Variants in SH3RF3 observed in about 807,000 individuals in gnomAD.
SH3RF3 encodes the protein SH3 domain containing ring finger 3.
A neutral mutation model predicts 66.3 loss-of-function variants in SH3RF3; 29 were observed. The ratio of observed to expected loss-of-function variants is 0.44; its 90% CI spans 0.33 to 0.60. The LOEUF (loss-of-function observed/expected upper bound fraction) is 0.60. Ranked by LOEUF, SH3RF3 falls within the 20% of genes least tolerant of loss-of-function variation. The pLI, the probability that SH3RF3 is intolerant of heterozygous loss-of-function variation, is 0.04. For synonymous variants in SH3RF3, 583 were observed against 532.0 expected, an observed-to-expected ratio of 1.10 and a Z score of -1.32; for missense variants, 1,194 against 1,190.9, an observed-to-expected ratio of 1.00 and a Z score of -0.04.
intron 3 of SH3RF3, among the ~76,000 whole-genome samples, chr2:109,375,561 T>C (rs1181131719): frequency 2.0e-5 from 3 of 152,240 alleles, no homozygotes; most frequent in African/African-American, 7.2e-5. Context: ...TTGAGGTTTT[T>C]CAGAATTTCA....
intron 1 of SH3RF3, among the ~76,000 whole-genome samples, chr2:109,245,663 A>G (rs1053424674): frequency 6.6e-6 from 1 of 152,198 alleles, no homozygotes; most frequent in African/African-American, 2.4e-5. Flanking sequence ...TATCCCTTGA[A>G]CTGAGACCAT....
At chr2:109,296,452 A>G (rs113489262) in intron 1 of SH3RF3, among the ~76,000 whole-genome samples, 5,616 of 151,840 alleles carry the variant, frequency 0.037, 265 homozygotes, top group African/African-American at 0.1. Flanking sequence ...ATGTTGTTCA[A>G]GCTGGTCTCA....
chr2:109,488,640 C>T (rs1679044791), intron 8 of SH3RF3, among the ~76,000 whole-genome samples: 1 of 152,220 alleles, frequency 6.6e-6, no homozygotes, highest in South Asian at 2.1e-4. Context: ...CCAAGCAGTT[C>T]CCGATGTGTG....
chr2:109,485,883 C>T (rs9646952), intron 8 of SH3RF3, among the ~76,000 whole-genome samples: 35,985 of 152,256 alleles, frequency 0.24, 4,466 homozygotes, highest in Admixed American at 0.32. Flanking sequence ...AGCCTCCAGT[C>T]CCTGGCCCTC....
intron 5 of SH3RF3, among the ~76,000 whole-genome samples, chr2:109,431,732 A>C (rs1224953541): frequency 6.6e-6 from 1 of 152,176 alleles, no homozygotes; most frequent in Non-Finnish European, 1.5e-5. Context: ...CTTAGCCAGC[A>C]TGGCGGTGCA....
At chr2:109,438,865 G>C (rs1444725163) in intron 7 of SH3RF3, among the ~76,000 whole-genome samples, 2 of 152,206 alleles carry the variant, frequency 1.3e-5, no homozygotes, top group East Asian at 3.9e-4. Context: ...GGGAGCAAAA[G>C]TCCCAGGCCA....
intron 1 of SH3RF3, among the ~76,000 whole-genome samples, chr2:109,280,202 T>G (rs1680850085): frequency 6.6e-6 from 1 of 152,198 alleles, no homozygotes; most frequent in African/African-American, 2.4e-5. Flanking sequence ...CACTAGTGAA[T>G]GCCCGTGGCA....
chr2:109,485,319 GTTTAC>G (rs1347221219), intron 8 of SH3RF3, among the ~76,000 whole-genome samples: 4 of 152,208 alleles, frequency 2.6e-5, no homozygotes, highest in African/African-American at 9.7e-5. Context: ...ACATGTACAG[GTTTAC>G]TTCATTTTCA....
chr2:109,489,929 G>T (rs1679086943), intron 8 of SH3RF3, among the ~76,000 whole-genome samples: 1 of 152,122 alleles, frequency 6.6e-6, no homozygotes, highest in Non-Finnish European at 1.5e-5. Flanking sequence ...GTAGAGACAG[G>T]GTTTCACCAT....
At chr2:109,240,878 A>ATC (rs370916478) in intron 1 of SH3RF3, among the ~76,000 whole-genome samples, 12 of 113,662 alleles carry the variant, frequency 1.1e-4, no homozygotes, top group Admixed American at 7.6e-4. Context: ...ACTTGATTCC[A>ATC]TCTCTCTCTC....
chr2:109,168,217 G>A (rs1479662702), intron 1 of SH3RF3, among the ~76,000 whole-genome samples: 1 of 152,210 alleles, frequency 6.6e-6, no homozygotes, highest in Non-Finnish European at 1.5e-5. Flanking sequence ...TACAAATTCA[G>A]AGCTTTTCTG....
At chr2:109,240,596 T>A (rs987653842) in intron 1 of SH3RF3, among the ~76,000 whole-genome samples, 2 of 152,022 alleles carry the variant, frequency 1.3e-5, no homozygotes, top group African/African-American at 4.8e-5. Context: ...ATAAATAGGT[T>A]TTTCATTGCT....
intron 5 of SH3RF3, among the ~76,000 whole-genome samples, chr2:109,420,306 G>A (rs1676837158): frequency 6.6e-6 from 1 of 152,142 alleles, no homozygotes; most frequent in Non-Finnish European, 1.5e-5. Context: ...ACTGTGTTAG[G>A]GTGAAGTCTA....
intron 6 of SH3RF3, among the ~76,000 whole-genome samples, chr2:109,433,992 G>A (rs755293446): frequency 2.0e-5 from 3 of 152,104 alleles, no homozygotes; most frequent in Non-Finnish European, 2.9e-5. Flanking sequence ...CCCAGTGTGC[G>A]CAGCCCCGAA....
At chr2:109,343,567 C>G (rs903080285) in intron 1 of SH3RF3, among the ~76,000 whole-genome samples, 7 of 152,152 alleles carry the variant, frequency 4.6e-5, no homozygotes, top group Non-Finnish European at 7.4e-5. Flanking sequence ...GCAAACAGGC[C>G]CCACCTGAGC....
At chr2:109,189,814 T>G (rs1197940374) in intron 1 of SH3RF3, among the ~76,000 whole-genome samples, 1 of 152,202 alleles carries the variant, frequency 6.6e-6, no homozygotes, top group Non-Finnish European at 1.5e-5. Context: ...TTCTCAACAC[T>G]GGTCAGAGTT....
intron 1 of SH3RF3, among the ~76,000 whole-genome samples, chr2:109,326,101 A>G (rs1682148714): frequency 6.6e-6 from 1 of 152,220 alleles, no homozygotes; most frequent in African/African-American, 2.4e-5. Context: ...ATGGTAAAAC[A>G]TTTAAGGACA....
At chr2:109,232,537 C>A in intron 1 of SH3RF3, among the ~76,000 whole-genome samples, 1 of 152,164 alleles carries the variant, frequency 6.6e-6, no homozygotes, top group East Asian at 1.9e-4. Flanking sequence ...GTCTCCCATG[C>A]TGTAATGTTC....
At chr2:109,404,551 G>A (rs1409179204) in intron 4 of SH3RF3, among the ~76,000 whole-genome samples, 5 of 152,122 alleles carry the variant, frequency 3.3e-5, no homozygotes, top group Non-Finnish European at 5.9e-5. Flanking sequence ...AGTCAAGGTC[G>A]CCAAGGAGCT....
Sources: gnomAD v4.1 joint callset for allele counts (sites outside exome capture counted in the v4.1 genomes callset) on GRCh38, gnomAD v4.1.1 for gene constraint, MANE v1.5 for transcripts, NCBI Gene and HGNC (gene_info 2026-07-23, HGNC 2026-07-21) for gene names.